PTBP1: variants seen among roughly 807,000 people sequenced by gnomAD.
The protein encoded by PTBP1 is polypyrimidine tract-binding protein 1.
A neutral mutation model predicts 59.8 loss-of-function variants in PTBP1; 8 were observed. The observed-to-expected ratio is 0.13, with a 90% CI of 0.08 to 0.24. The LOEUF (loss-of-function observed/expected upper bound fraction) is 0.24, where lower values mean the gene tolerates loss of function less well. PTBP1 is among the 10% of genes least tolerant of loss of function. PTBP1 has a pLI of 1.00. For missense variants in PTBP1, 686 were observed against 767.0 expected (o/e 0.89, Z 1.25); for synonymous variants, 490 against 320.7 (o/e 1.53, Z -5.64).
rs62131353 is a variant in PTBP1, at chr19:808,824, C to T, written c.1463+62C>T. 370,051 of 1,488,382 alleles carry T rather than the reference C, an allele frequency of 0.25. 49,241 individuals are homozygous for T. The highest frequency in any genetic ancestry group is 0.42 in the Admixed American group (21,622 of 51,796). The allele number at this position is 1,488,382 out of a possible 1,614,324, so 92.2% of individuals were successfully genotyped here. On this transcript the variant is annotated intron_variant, in intron 13 of 14. Coordinates refer to ENST00000356948, the MANE Select transcript of PTBP1 (RefSeq NM_002819.5). This position sits in a 1 kb window ranked among gnomAD's most constrained non-coding sequence, Gnocchi z 4.7. Reference sequence around the variant, plus strand: ...CGGGCAAGGGCTCTGCTTGGCTGTCCTACCGCGTCGGTGTGTGGACTTCTG... The same window carrying T: ...CGGGCAAGGGCTCTGCTTGGCTGTCTTACCGCGTCGGTGTGTGGACTTCTG...
chr19:809,241 T>TCA (rs79138520), intron 13 of PTBP1, among the ~76,000 whole-genome samples: 7,398 of 152,232 alleles, frequency 0.049, 248 homozygotes, highest in Middle Eastern at 0.13. Context: ...TCTCCTGACC[T>TCA]TGTGATCCGC....
At chr19:803,979 C>T (rs2034449095) in intron 3 of PTBP1, 57 bp from the exon 4 acceptor site, 11 of 1,602,530 alleles carry the variant, frequency 6.9e-6, no homozygotes, top group Non-Finnish European at 9.4e-6. Flanking sequence ...TAGCAGGGAC[C>T]TTCCTCTGTG....
chr19:806,584 G>T, intron 10 of PTBP1, 28 bp downstream of exon 10: 1 of 1,471,810 alleles, frequency 6.8e-7, no homozygotes, highest in East Asian at 2.7e-5. Context: ...CCGCGCCGCC[G>T]TTCCTCCCGG....
At position 805,210 on chromosome 19, in the gene PTBP1, G is replaced by A. The variant is rs372913423; in HGVS notation, c.892+23G>A. 6.8e-4 allele frequency: 1,094 copies of A among 1,611,192 alleles called. 3 individuals carry two copies. Among genetic ancestry groups the A allele is most frequent in the Non-Finnish European group, 6.4e-4 (754 of 1,178,874 alleles). On this transcript the variant is annotated intron_variant, in intron 8 of 14. Coordinates refer to ENST00000356948, the MANE Select transcript of PTBP1 (RefSeq NM_002819.5). ...TCGGTAAGAGGCTGCCCGACGCGGC[G>A]CCAGTGTGCAGAGTGGTCTATTAGG...
chr19:805,947 C>T (rs1184635586), intron 9 of PTBP1: 4 of 292,388 alleles, frequency 1.4e-5, no homozygotes, highest in Non-Finnish European at 2.6e-5. Flanking sequence ...GGCGGCGGGA[C>T]GTGTGTGCGT....
chr19:810,641 C>G (rs749274819), intron 14 of PTBP1, 21 bp downstream of exon 14: 95 of 1,612,384 alleles, frequency 5.9e-5, no homozygotes, highest in Non-Finnish European at 6.4e-5. Flanking sequence ...GGCGGGCTGT[C>G]CCTGGCTCTC....
chr19:800,330 G>A (rs759222231), intron 2 of PTBP1, among the ~76,000 whole-genome samples: 1 of 152,134 alleles, frequency 6.6e-6, no homozygotes, highest in Non-Finnish European at 1.5e-5. Flanking sequence ...CACGTCTCTG[G>A]GGTGTGCGAA....
intron 10 of PTBP1, 181 bp from the exon 11 acceptor site, chr19:807,688 C>T: frequency 1.8e-6 from 1 of 562,264 alleles, no homozygotes; most frequent in Non-Finnish European, 3.2e-6. Context: ...AATTCCCCCT[C>T]AAACCCTGCT....
chr19:808,463 G>A lies in PTBP1; in HGVS notation c.1246+11G>A, dbSNP rs111236665. 140 of 1,590,550 alleles carry A rather than the reference G, an allele frequency of 8.8e-5. No homozygotes were observed. Among genetic ancestry groups the A allele is most frequent in the East Asian group, 2.3e-4 (10 of 43,790 alleles). On this transcript the variant is annotated intron_variant, in intron 12 of 14. Transcript: ENST00000356948. The surrounding 1 kb of genome is among the most constrained non-coding windows in gnomAD (Gnocchi z 4.7). ...ACCAGGCCCAGCTGGGTAAGAGGCC[G>A]GGGCGGCCCCGGGGTGGAGGGGGCA... is the stretch of plus-strand genomic sequence containing the variant.
At chr19:805,635 C>T (rs2034530240) in intron 9 of PTBP1, 66 bp downstream of exon 9, 13 of 1,391,626 alleles carry the variant, frequency 9.3e-6, no homozygotes, top group East Asian at 4.6e-5. Flanking sequence ...CAGGCAGCTC[C>T]GCATCCACGG....
At chr19:805,431 C>A in intron 8 of PTBP1, 61 bp from the exon 9 acceptor site, 1 of 1,508,402 alleles carries the variant, frequency 6.6e-7, no homozygotes, top group Admixed American at 1.7e-5. Flanking sequence ...CATCCCGCAG[C>A]ACAGCGCCCG....
chr19:811,213 C>T lies in PTBP1; in HGVS notation c.*387C>T. 1 of 161,002 alleles carries T rather than the reference C, an allele frequency of 6.2e-6. No individual in the cohort carries two copies. The highest frequency in any genetic ancestry group is 1.4e-5 in the Non-Finnish European group (1 of 73,950). 10.0% of individuals were successfully genotyped at this position (161,002 alleles called of 1,614,324 possible). On this transcript the variant is annotated 3_prime_UTR_variant, in exon 15 of 15. Coordinates refer to ENST00000356948, the MANE Select transcript of PTBP1 (RefSeq NM_002819.5). ...CACCCACCCGGGGTGTCCTGGGGAC[C>T]CAAGGGGTGGGGGGGTCACACCAGA...
rs780587322 is a variant in PTBP1 at position 810,863 on chromosome 19, A to C, written c.*37A>C. 1 of 1,497,816 alleles carries C rather than the reference A, an allele frequency of 6.7e-7. No individual in the cohort carries two copies. Among genetic ancestry groups the C allele is most frequent in the Non-Finnish European group, 8.8e-7 (1 of 1,130,868 alleles). The allele number at this position is 1,497,816 out of a possible 1,614,324, so 92.8% of individuals were successfully genotyped here. On this transcript the variant is annotated 3_prime_UTR_variant, in exon 15 of 15. Coordinates refer to ENST00000356948, the MANE Select transcript of PTBP1 (RefSeq NM_002819.5). Reference sequence around the variant, plus strand: ...CCCACGGCCGGGCCCCCTGGCGACAACTTCCATCATTCCAGAGAAAAGCCA... The same window carrying C: ...CCCACGGCCGGGCCCCCTGGCGACACCTTCCATCATTCCAGAGAAAAGCCA...
intron 2 of PTBP1, among the ~76,000 whole-genome samples, chr19:799,749 G>A (rs1214254087): frequency 6.6e-6 from 1 of 152,222 alleles, no homozygotes; most frequent in Non-Finnish European, 1.5e-5. Flanking sequence ...TCTGCCTCTA[G>A]AGGCTGGAAT....
rs201543827 is a variant in PTBP1 at position 804,088 on chromosome 19, C to T, written c.168C>T (p.Val56=). The change falls in exon 4 of 15, where the codon GTC becomes GTT. Residue 56 remains valine, a synonymous_variant. Coordinates refer to ENST00000356948, the MANE Select transcript of PTBP1 (RefSeq NM_002819.5). ...AAGGTGACAGCCGAAGTGCAGGCGTCCCCTCTAGAGTGATCCACATCCGGA... is the reference window on the plus strand; with the variant it reads ...AAGGTGACAGCCGAAGTGCAGGCGTTCCCTCTAGAGTGATCCACATCCGGA... ...KFKGDSRSAG[V]PSRVIHIRKL... The T allele has an allele frequency of 4.5e-5, 73 of 1,614,054 alleles. 1 individual carries two copies. In the East Asian group the frequency reaches 4.9e-4, roughly 11 times the overall value.
chr19:806,893 A>AG (rs2034607036), intron 10 of PTBP1: 1 of 215,616 alleles, frequency 4.6e-6, no homozygotes. Context: ...CGGGACACAC[A>AG]GGGTTAGCGC....
At chr19:803,001 C>T (rs1027328485) in intron 2 of PTBP1, among the ~76,000 whole-genome samples, 3 of 152,136 alleles carry the variant, frequency 2.0e-5, no homozygotes, top group Non-Finnish European at 2.9e-5. Flanking sequence ...TGTGCAGAGA[C>T]GGAGGTCGGG....
At chr19:805,713 C>T (rs1224300272) in intron 9 of PTBP1, 144 bp downstream of exon 9, 10 of 727,128 alleles carry the variant, frequency 1.4e-5, no homozygotes, top group Admixed American at 8.3e-5. Flanking sequence ...GGGGACGCCA[C>T]GTCCACAGAG....
chr19:809,075 C>G (rs1391167227), intron 13 of PTBP1, among the ~76,000 whole-genome samples: 5 of 152,136 alleles, frequency 3.3e-5, no homozygotes, highest in Admixed American at 1.3e-4. Context: ...GTGGAACGAT[C>G]TCGGTTCACT....
Sources: gnomAD v4.1 joint callset for allele counts (sites outside exome capture counted in the v4.1 genomes callset) on GRCh38, gnomAD v4.1.1 for gene constraint, Gnocchi (gnomAD v3.1) non-coding constraint, MANE v1.5 for transcripts, NCBI Gene and HGNC (gene_info 2026-07-23, HGNC 2026-07-21) for gene names.